Variants in NXNL2 observed in about 807,000 individuals in gnomAD.
The protein encoded by NXNL2 is nucleoredoxin-like protein 2.
Under a neutral mutation model 11.1 loss-of-function variants are expected in NXNL2, and 7 were observed. The observed-to-expected ratio is 0.63, with a 90% CI of 0.36 to 1.18. The LOEUF (loss-of-function observed/expected upper bound fraction) is 1.18. Among genes scored for constraint, NXNL2 ranks in the 50% most tolerant of loss-of-function variants. The pLI, the probability that NXNL2 is intolerant of heterozygous loss-of-function variation, is 0.02. For missense variants in NXNL2, 233 were observed against 217.7 expected, an observed-to-expected ratio of 1.07 and a Z score of -0.44; for synonymous variants, 109 against 101.8, an observed-to-expected ratio of 1.07 and a Z score of -0.42.
chr9:88,543,826 G>T (rs1003967373), intron 1 of NXNL2, among the ~76,000 whole-genome samples: 1 of 152,198 alleles, frequency 6.6e-6, no homozygotes, highest in Admixed American at 6.5e-5. Flanking sequence ...GCACAGATAC[G>T]GAGAGTTCAC....
chr9:88,535,804 C>T (rs1182117908), intron 1 of NXNL2, 68 bp downstream of exon 1: 13 of 1,330,186 alleles, frequency 9.8e-6, no homozygotes, highest in Non-Finnish European at 1.3e-5. Context: ...CAGGCCTCCC[C>T]CTCTGCACTG....
chr9:88,535,746 G>T lies in NXNL2; in HGVS notation c.302+10G>T. ...ACGACCCCTACCGGCAGTGAGTGGGGGTCCTGGGGGGGCGGGGGCCGCCCG... is the reference window on the plus strand; with the variant it reads ...ACGACCCCTACCGGCAGTGAGTGGGTGTCCTGGGGGGGCGGGGGCCGCCCG... On this transcript the variant is annotated intron_variant, in intron 1 of 1. Coordinates refer to ENST00000375854, the MANE Select transcript of NXNL2 (RefSeq NM_001161625.2). 6.5e-7 allele frequency: 1 copy of T among 1,541,858 alleles called. No individual in the cohort carries two copies. The highest frequency in any genetic ancestry group is 8.7e-7 in the Non-Finnish European group (1 of 1,154,614).
rs1244870457 is a variant in NXNL2 at position 88,535,536 on chromosome 9, G to A, written c.102G>A (p.Ala34=). Residue 34 remains alanine, a synonymous_variant, in exon 1 of 2, where the codon GCG becomes GCA. Coordinates refer to ENST00000375854, the MANE Select transcript of NXNL2 (RefSeq NM_001161625.2). ...LQNKVVALYF[A]AARCAPSRDF... Reference sequence around the variant, plus strand: ...ACAAGGTGGTGGCACTGTACTTCGCGGCGGCCCGGTGCGCGCCGAGCCGCG... The same window carrying A: ...ACAAGGTGGTGGCACTGTACTTCGCAGCGGCCCGGTGCGCGCCGAGCCGCG... 1.9e-6 allele frequency: 3 copies of A among 1,607,408 alleles called. No individual in the cohort carries two copies. Among genetic ancestry groups the A allele is most frequent in the Admixed American group, 1.7e-5 (1 of 59,450 alleles).
chr9:88,544,256 G>C (rs540702316), intron 1 of NXNL2, 123 bp from the exon 2 acceptor site: 2 of 715,462 alleles, frequency 2.8e-6, no homozygotes, highest in South Asian at 3.4e-5. Context: ...GCAGGAGCAG[G>C]CTGGGTGGGG....
At chr9:88,583,061 C>A (rs1830426536) in intron 1 of NXNL2, among the ~76,000 whole-genome samples, 1 of 152,148 alleles carries the variant, frequency 6.6e-6, no homozygotes, top group South Asian at 2.1e-4. Flanking sequence ...CTGGACAATT[C>A]CATGTGTCTG....
At position 88,572,768 on chromosome 9, in the gene NXNL2, G is replaced by A. The variant is rs192279671; in HGVS notation, c.*16+1560G>A. Among the ~76,000 whole-genome samples, 64 of 152,276 alleles carry A rather than the reference G, an allele frequency of 4.2e-4. No individual in the cohort carries two copies. In the South Asian group the frequency reaches 6.2e-3, roughly 15 times the overall value. ...TATCTGAGTTAGGAGAAGGAGGTCCGGCACTTTGACAGCACCCTGGATATT... is the reference window on the plus strand; with the variant it reads ...TATCTGAGTTAGGAGAAGGAGGTCCAGCACTTTGACAGCACCCTGGATATT... On this transcript the variant is annotated intron_variant, in intron 2 of 2. Transcript: ENST00000375855.
At chr9:88,572,551 G>T (rs921822986) in intron 2 of NXNL2, among the ~76,000 whole-genome samples, 1 of 152,162 alleles carries the variant, frequency 6.6e-6, no homozygotes, top group Non-Finnish European at 1.5e-5. Flanking sequence ...TGGGTGAGCC[G>T]TGCCCCTACC....
intron 1 of NXNL2, among the ~76,000 whole-genome samples, chr9:88,552,479 T>G (rs550400487): frequency 2.1e-4 from 32 of 150,970 alleles, no homozygotes; most frequent in Non-Finnish European, 3.4e-4. Flanking sequence ...GCATGTTTTT[T>G]TTTTTTTTTT....
chr9:88,570,355 C>T (rs758693688), intron 1 of NXNL2, among the ~76,000 whole-genome samples: 8 of 151,972 alleles, frequency 5.3e-5, no homozygotes, highest in Non-Finnish European at 8.8e-5. Context: ...AGACCTCAAG[C>T]GATCCCCATG....
At chr9:88,544,274 TG>T in intron 1 of NXNL2, 104 bp from the exon 2 acceptor site, 2 of 960,708 alleles carry the variant, frequency 2.1e-6, no homozygotes, top group Non-Finnish European at 3.2e-6. Flanking sequence ...GGGCACCTGG[TG>T]GCTTCCTCCA....
At chr9:88,547,940 C>T (rs1210696008), downstream of NXNL2, among the ~76,000 whole-genome samples, 1 of 151,708 alleles carries the variant, frequency 6.6e-6, no homozygotes, top group Admixed American at 6.6e-5. Flanking sequence ...TCGCTGAACC[C>T]AGGAGGCAGA....
intron 2 of NXNL2, among the ~76,000 whole-genome samples, chr9:88,573,480 C>G (rs772305778): frequency 1.3e-4 from 20 of 152,194 alleles, no homozygotes; most frequent in Non-Finnish European, 2.8e-4. Flanking sequence ...CTCATACTAT[C>G]TTGGGTGATA....
chr9:88,544,436 A>G lies in NXNL2; in HGVS notation c.360A>G (p.Gln120=). 1 of 1,551,900 alleles carries G rather than the reference A, an allele frequency of 6.4e-7. No homozygotes were observed. Among genetic ancestry groups the G allele is most frequent in the East Asian group, 2.4e-5 (1 of 40,920 alleles). The change falls in exon 2 of 2, where the codon CAA becomes CAG. Residue 120 remains glutamine, a synonymous_variant. Coordinates refer to ENST00000375854, the MANE Select transcript of NXNL2 (RefSeq NM_001161625.2). Reference sequence around the variant, plus strand: ...TCCCCAAGCTTGTGATTGTGAAACAAAATGGGGAGGTCATCACCAACAAAG... The same window carrying G: ...TCCCCAAGCTTGTGATTGTGAAACAGAATGGGGAGGTCATCACCAACAAAG... ...TAIPKLVIVK[Q]NGEVITNKGR...
At chr9:88,554,745 C>T (rs1001973808) in intron 1 of NXNL2, among the ~76,000 whole-genome samples, 10 of 152,294 alleles carry the variant, frequency 6.6e-5, no homozygotes, top group Middle Eastern at 3.4e-3. Flanking sequence ...GTTACCGTCT[C>T]GTTTACATAT....
At chr9:88,571,014 A>G in intron 1 of NXNL2, 1 of 377,196 alleles carries the variant, frequency 2.7e-6, no homozygotes, top group South Asian at 2.0e-5. Flanking sequence ...AAGTGCTGGG[A>G]TTACAGGTGT....
chr9:88,552,490 T>G (rs1243697764), intron 1 of NXNL2, among the ~76,000 whole-genome samples: 4 of 139,360 alleles, frequency 2.9e-5, no homozygotes, highest in Non-Finnish European at 6.0e-5. Context: ...TTTTTTTTTT[T>G]GAGATGGAGT....
chr9:88,575,772 G>A (rs1830341626), exon 3 of NXNL2: 1 of 152,186 alleles, frequency 6.6e-6, no homozygotes, highest in South Asian at 2.1e-4. Context: ...TAACACAAAA[G>A]ATAAATGCTT....
chr9:88,569,358 A>G (rs997486901), intron 1 of NXNL2, among the ~76,000 whole-genome samples: 1 of 152,154 alleles, frequency 6.6e-6, no homozygotes, highest in Non-Finnish European at 1.5e-5. Flanking sequence ...CAAACTTTAT[A>G]TATAGAAAAG....
At chr9:88,569,487 A>G (rs1001106353) in intron 1 of NXNL2, among the ~76,000 whole-genome samples, 1 of 152,214 alleles carries the variant, frequency 6.6e-6, no homozygotes, top group South Asian at 2.1e-4. Flanking sequence ...CTTCCTTAGT[A>G]TAATTTTTCA....
Sources: allele counts gnomAD v4.1 joint callset (sites outside exome capture counted in the v4.1 genomes callset), GRCh38; gene constraint gnomAD v4.1.1; transcripts MANE v1.5; gene names NCBI Gene and HGNC (gene_info 2026-07-23, HGNC 2026-07-21).